The following MACF1 variants were observed in gnomAD, a reference collection of about 807,000 sequenced individuals.
The protein encoded by MACF1 is microtubule-actin cross-linking factor 1.
In MACF1, 193 loss-of-function variants were observed where a neutral mutation model predicts 854.8. The ratio of observed to expected loss-of-function variants is 0.23; its 90% CI spans 0.20 to 0.25. The LOEUF is 0.25. MACF1 is among the 10% of genes least tolerant of loss of function. The pLI is 1.00. For missense variants in MACF1, 7,722 were observed against 8,929.1 expected, an observed-to-expected ratio of 0.86 and a Z score of 5.45; for synonymous variants, 3,185 against 3,226.7, an observed-to-expected ratio of 0.99 and a Z score of 0.44.
At chr1:39,364,139 A>G (rs1044182787) in intron 49 of MACF1, among the ~76,000 whole-genome samples, 5 of 152,196 alleles carry the variant, frequency 3.3e-5, no homozygotes, top group African/African-American at 7.2e-5. Context: ...GCAGCAGTGT[A>G]TTAGAGTACC....
rs368176025 is a variant in MACF1, at chr1:39,284,027, T to C, written c.916-39T>C. The C allele has an allele frequency of 1.3e-5, 21 of 1,604,890 alleles. No individual in the cohort carries two copies. The African/African-American group carries it at 2.4e-4, about 19-fold the overall frequency. ...CTTTCTCTTGTGCTTGTTTTGGATA[T>C]TGCTAATCAGGTGTGTGATGTTTAC... On this transcript the variant is annotated intron_variant, in intron 9 of 100. Coordinates refer to ENST00000564288, the MANE Select transcript of MACF1 (RefSeq NM_001394062.1).
intron 2 of MACF1, among the ~76,000 whole-genome samples, chr1:39,147,094 C>G (rs1327074871): frequency 6.7e-6 from 1 of 150,052 alleles, no homozygotes; most frequent in Non-Finnish European, 1.5e-5. Context: ...TCCTCCTCCT[C>G]CCCTTCCTCC....
chr1:39,288,650 G>A (rs1187710949), intron 15 of MACF1, among the ~76,000 whole-genome samples: 1 of 151,936 alleles, frequency 6.6e-6, no homozygotes, highest in Non-Finnish European at 1.5e-5. Flanking sequence ...AACTAACCGG[G>A]AATGATGGCG....
intron 6 of MACF1, chr1:39,268,948 C>A (rs1015618969): frequency 7.8e-7 from 1 of 1,286,832 alleles, no homozygotes; most frequent in South Asian, 1.2e-5. Flanking sequence ...GAGCATACCC[C>A]CCCAGATATT....
intron 23 of MACF1, among the ~76,000 whole-genome samples, chr1:39,306,097 AGAAT>A (rs937724793): frequency 6.6e-6 from 1 of 152,206 alleles, no homozygotes; most frequent in African/African-American, 2.4e-5. Flanking sequence ...ATTGAATGAA[AGAAT>A]GAATGAGTAG....
At position 39,123,812 on chromosome 1, in the gene MACF1, C is replaced by T. The variant is rs547260608; in HGVS notation, c.220+39374C>T. On this transcript the variant is annotated intron_variant, in intron 2 of 93. Coordinates refer to the MACF1 transcript ENST00000361689. ...GATCTTGGCTCACTGCAACCTCTGC[C>T]TCCTGGGTTCAAGCAATTCTCCTGC... 2.0e-5 allele frequency among the ~76,000 whole-genome samples: 3 copies of T among 149,990 alleles called. No individual in the cohort carries two copies. The East Asian group carries it at 5.9e-4, about 29-fold the overall frequency.
In MACF1 at chr1:39,334,295, C is replaced by T. The variant is rs140536514; in HGVS notation, c.7707C>T (p.Asp2569=). Residue 2569 remains aspartate (D), a synonymous_variant, in exon 37 of 101, where the codon GAC becomes GAT. Transcript: ENST00000564288. ...KAIKLDLITS[D]LKREIQEVQA... is the part of the protein sequence containing the mutation. Reference sequence around the variant, plus strand: ...TAAAATTAGATCTTATTACCTCAGACCTGAAAAGAGAAATCCAGGAGGTTC... The same window carrying T: ...TAAAATTAGATCTTATTACCTCAGATCTGAAAAGAGAAATCCAGGAGGTTC... 5.6e-6 allele frequency: 9 copies of T among 1,613,864 alleles called. No individual in the cohort carries two copies. In the African/African-American group the frequency reaches 6.7e-5, roughly 12 times the overall value.
At chr1:39,266,974 A>T (rs1424076362) in intron 6 of MACF1, among the ~76,000 whole-genome samples, 2 of 152,048 alleles carry the variant, frequency 1.3e-5, no homozygotes, top group Non-Finnish European at 2.9e-5. Flanking sequence ...TTCTTCTCTT[A>T]CTCCCAAATG....
intron 23 of MACF1, among the ~76,000 whole-genome samples, chr1:39,305,778 C>A (rs148218634): frequency 1.3e-5 from 2 of 152,266 alleles, no homozygotes; most frequent in Non-Finnish European, 2.9e-5. Context: ...CTCTGTTTCT[C>A]ACACACAGAC....
At chr1:39,176,244 C>G (rs1323247367) in intron 2 of MACF1, among the ~76,000 whole-genome samples, 1 of 149,910 alleles carries the variant, frequency 6.7e-6, no homozygotes, top group Non-Finnish European at 1.5e-5. Flanking sequence ...CACCTCTGCA[C>G]TCCAGTCTGA....
chr1:39,411,760 C>T, intron 58 of MACF1: 3 of 1,613,674 alleles, frequency 1.9e-6, no homozygotes, highest in Non-Finnish European at 2.5e-6. Flanking sequence ...GGCTGCATCC[C>T]AGGATGCAGA....
At chr1:39,203,848 G>C (rs979550147), upstream of MACF1, among the ~76,000 whole-genome samples, 2 of 152,176 alleles carry the variant, frequency 1.3e-5, no homozygotes, top group Non-Finnish European at 2.9e-5. Context: ...TTTACCAGTT[G>C]ATGGACATTT....
At chr1:39,450,488 C>T (rs2488428) in intron 84 of MACF1, among the ~76,000 whole-genome samples, 84 of 152,088 alleles carry the variant, frequency 5.5e-4, no homozygotes, top group African/African-American at 1.9e-3. Flanking sequence ...GCCTGTGTGT[C>T]ACTGGGCTAT....
At chr1:39,133,032 C>T (rs1643048755) in intron 2 of MACF1, among the ~76,000 whole-genome samples, 1 of 152,198 alleles carries the variant, frequency 6.6e-6, no homozygotes, top group Admixed American at 6.5e-5. Flanking sequence ...CCTTTTTGTG[C>T]CTAAATCCGC....
At chr1:39,318,406 G>A (rs984745717) in intron 29 of MACF1, 47 bp from the exon 30 acceptor site, 37 of 1,551,442 alleles carry the variant, frequency 2.4e-5, no homozygotes, top group African/African-American at 4.1e-5. Flanking sequence ...TTACTTTATT[G>A]TATTTGTACC....
chr1:39,242,889 C>G (rs548125594), intron 2 of MACF1, among the ~76,000 whole-genome samples: 1 of 152,152 alleles, frequency 6.6e-6, no homozygotes, highest in Non-Finnish European at 1.5e-5. Context: ...GCCCCCGCAA[C>G]CCCTGTCTCT....
Position 39,331,584 on chromosome 1 carries a change from A to G in MACF1, c.4996A>G (p.Ser1666Gly). 6.2e-7 allele frequency: 1 copy of G among 1,614,194 alleles called. No individual in the cohort carries two copies. The highest frequency in any genetic ancestry group is 8.5e-7 in the Non-Finnish European group (1 of 1,180,016). ...LATGGFSLSP[S>G]ENCINLEEAF... ...AACTGGAGGTTTCAGTCTTTCCCCT[A>G]GTGAGAACTGTATTAACCTGGAAGA... Residue 1666 changes from serine to glycine, a missense_variant, in exon 37 of 101, where the codon AGT (serine) becomes GGT (glycine). Coordinates refer to ENST00000564288, the MANE Select transcript of MACF1 (RefSeq NM_001394062.1).
intron 22 of MACF1, among the ~76,000 whole-genome samples, chr1:39,301,391 G>A (rs1215723030): frequency 6.6e-6 from 1 of 151,580 alleles, no homozygotes; most frequent in East Asian, 1.9e-4. Context: ...CTCCCAAAGT[G>A]CTGGGATTAC....
chr1:39,422,927 C>A, intron 60 of MACF1, 27 bp downstream of exon 60: 2 of 1,606,404 alleles, frequency 1.2e-6, no homozygotes, highest in Non-Finnish European at 1.7e-6. Flanking sequence ...GGACAGTGAA[C>A]TGTAACAGCC....
Sources: allele counts gnomAD v4.1 joint callset (sites outside exome capture counted in the v4.1 genomes callset), GRCh38; gene constraint gnomAD v4.1.1; transcripts MANE v1.5; gene names NCBI Gene and HGNC (gene_info 2026-07-23, HGNC 2026-07-21).